The following ANK3 variants were observed in gnomAD, a reference collection of about 807,000 sequenced individuals.
ANK3 encodes the protein ankyrin-3.
Under a neutral mutation model 370.9 loss-of-function variants are expected in ANK3, and 57 were observed. The ratio of observed to expected loss-of-function variants is 0.15; its 90% confidence interval spans 0.12 to 0.19. The LOEUF is 0.19. Among genes scored for constraint, ANK3 ranks in the 10% least tolerant of loss-of-function variants. The pLI, the probability that ANK3 is intolerant of heterozygous loss-of-function variation, is 1.00. For synonymous variants in ANK3, 1,929 were observed against 1,946.3 expected (o/e 0.99, Z 0.23); for missense variants, 4,439 against 5,302.1 (o/e 0.84, Z 5.06).
At chr10:60,032,774 T>C (rs1319323966) in intron 43 of ANK3, among the ~76,000 whole-genome samples, 3 of 152,216 alleles carry the variant, frequency 2.0e-5, no homozygotes, top group East Asian at 3.9e-4. Context: ...GTTCCTCTTA[T>C]AACTTTTTCT....
chr10:60,326,697 T>A (rs766809221), intron 1 of ANK3, among the ~76,000 whole-genome samples: 3 of 152,006 alleles, frequency 2.0e-5, no homozygotes, highest in East Asian at 1.9e-4. Flanking sequence ...AATAGGTGGA[T>A]GTGGATTCCC....
chr10:60,532,612 G>T (rs1482013067), intron 2 of ANK3, among the ~76,000 whole-genome samples: 1 of 152,040 alleles, frequency 6.6e-6, no homozygotes, highest in Non-Finnish European at 1.5e-5. Flanking sequence ...TCTCCCAACT[G>T]CAGGGTTCTC....
At position 60,279,579 on chromosome 10, in the gene ANK3, C is replaced by T. The variant is rs376032920; in HGVS notation, c.175G>A (p.Asp59Asn). The part of the protein sequence containing the change: ...ARAGHLEKAL[D>N]YIKNGVDINI... ...ATGTCAACTCCATTTTTTATGTAGTCGAGGGCCTTTTCAAGGTGTCCAGCT... is the reference window on the plus strand; with the variant it reads ...ATGTCAACTCCATTTTTTATGTAGTTGAGGGCCTTTTCAAGGTGTCCAGCT... Residue 59 changes from aspartate (D) to asparagine (N), a missense_variant, in exon 2 of 44, where the codon GAC becomes AAC. Physicochemically the swap from Asp to Asn is conservative, Grantham distance 23. This residue lies in a region of ANK3 where 136 missense variants were observed against 230.5 expected (regional missense o/e 0.59). Transcript: ENST00000280772. 3.1e-6 allele frequency: 5 copies of T among 1,613,076 alleles called. No individual in the cohort carries two copies. The highest frequency in any genetic ancestry group is 2.7e-5 in the African/African-American group (2 of 74,952).
chr10:60,132,744 G>C (rs905385821), intron 25 of ANK3, among the ~76,000 whole-genome samples: 3 of 151,898 alleles, frequency 2.0e-5, no homozygotes, highest in Admixed American at 6.6e-5. Context: ...AGCCTCCCGA[G>C]TAGCTGAGAT....
At chr10:60,628,926 C>G (rs187773533) in intron 1 of ANK3, among the ~76,000 whole-genome samples, 337 of 152,234 alleles carry the variant, frequency 2.2e-3, no homozygotes, top group African/African-American at 4.4e-3. Context: ...TTGAATATAT[C>G]AAAATGTTTT....
In ANK3 at chr10:60,113,108, G is replaced by T. The variant is rs565600275; in HGVS notation, c.2948+1117C>A. Among the ~76,000 whole-genome samples the T allele has an allele frequency of 1.3e-4, 20 of 152,044 alleles. No homozygotes were observed. The East Asian group carries it at 2.5e-3, about 19-fold the overall frequency. ...AGGTCCCCTTTTAGCCTCCTGCCTC[G>T]AATTCCATTGACCAGGGAGGCAGGA... On this transcript the variant is annotated intron_variant, in intron 26 of 43. Coordinates refer to ENST00000280772, the MANE Select transcript of ANK3 (RefSeq NM_020987.5).
At chr10:60,275,191 A>C (rs2098070095) in intron 4 of ANK3, among the ~76,000 whole-genome samples, 1 of 152,230 alleles carries the variant, frequency 6.6e-6, no homozygotes, top group South Asian at 2.1e-4. Context: ...GCAACAACAG[A>C]TTAAATTCTC....
chr10:60,425,736 C>T (rs4948418), intron 2 of ANK3, among the ~76,000 whole-genome samples: 12,661 of 152,078 alleles, frequency 0.083, 965 homozygotes, highest in East Asian at 0.22. Context: ...TGACAGGGAA[C>T]GGCTGAGGTA....
rs185199448 is a variant in ANK3, at chr10:60,226,418, A to G, written c.897+8270T>C. Among the ~76,000 whole-genome samples the G allele has an allele frequency of 2.6e-3, 299 of 115,932 alleles. 6 individuals are homozygous for G. The highest frequency in any genetic ancestry group is 4.4e-3 in the Non-Finnish European group (263 of 59,602). The allele number at this position is 115,932 out of a possible 152,430, so 76.1% of individuals were successfully genotyped here. ...TAATATAGTATAACATATATAACAT[A>G]CTATACAACATATAATATATAACAT... On this transcript the variant is annotated intron_variant, in intron 8 of 43. Transcript: ENST00000280772.
rs191445471 is a variant in ANK3 at position 60,607,356 on chromosome 10, G to C, written c.96+7830C>G. Among the ~76,000 whole-genome samples the C allele has an allele frequency of 2.3e-3, 348 of 152,194 alleles. 1 individual carries two copies. Among genetic ancestry groups the C allele is most frequent in the Middle Eastern group, 0.01 (3 of 294 alleles). On this transcript the variant is annotated intron_variant, in intron 2 of 43. Coordinates refer to the ANK3 transcript ENST00000373827. Reference sequence around the variant, plus strand: ...GGGACTAAAATTTGAGTCTGAATCAGTCTGACTTTCAGGCTCACCCACTTT... The same window carrying C: ...GGGACTAAAATTTGAGTCTGAATCACTCTGACTTTCAGGCTCACCCACTTT...
intron 2 of ANK3, among the ~76,000 whole-genome samples, chr10:60,536,653 TA>T (rs2076731638): frequency 6.6e-6 from 1 of 151,888 alleles, no homozygotes; most frequent in South Asian, 2.1e-4. Context: ...GTGAATCACA[TA>T]AACAAAAAAA....
At chr10:60,193,770 G>C (rs955239789) in intron 16 of ANK3, among the ~76,000 whole-genome samples, 1 of 152,104 alleles carries the variant, frequency 6.6e-6, no homozygotes, top group Non-Finnish European at 1.5e-5. Context: ...GGAAAAAATA[G>C]TTCACTTACT....
chr10:60,585,564 A>G (rs1336316227), intron 2 of ANK3, among the ~76,000 whole-genome samples: 1 of 152,198 alleles, frequency 6.6e-6, no homozygotes, highest in Non-Finnish European at 1.5e-5. Flanking sequence ...CTATCACTTC[A>G]GGTGACATAT....
At chr10:60,329,364 G>A (rs1593871582) in intron 1 of ANK3, among the ~76,000 whole-genome samples, 1 of 152,164 alleles carries the variant, frequency 6.6e-6, no homozygotes. Context: ...CAGATGACAT[G>A]ATTATATATT....
chr10:60,298,186 G>GT (rs34471086), intron 1 of ANK3, among the ~76,000 whole-genome samples: 2 of 151,936 alleles, frequency 1.3e-5, no homozygotes, highest in African/African-American at 2.4e-5. Flanking sequence ...TAGAGTCTAG[G>GT]TTTTTTTCAT....
chr10:60,249,205 T>C (rs1430331408), intron 7 of ANK3, among the ~76,000 whole-genome samples: 1 of 152,198 alleles, frequency 6.6e-6, no homozygotes, highest in Non-Finnish European at 1.5e-5. Flanking sequence ...AACTCAATTG[T>C]GGAGGAATCA....
chr10:60,318,252 T>G (rs943764680), intron 1 of ANK3, among the ~76,000 whole-genome samples: 1 of 152,202 alleles, frequency 6.6e-6, no homozygotes, highest in Non-Finnish European at 1.5e-5. Flanking sequence ...TACTAGCTCA[T>G]ATGTTTAAAT....
intron 41 of ANK3, 126 bp downstream of exon 41, chr10:60,059,214 T>C: frequency 1.3e-6 from 1 of 769,416 alleles, no homozygotes; most frequent in Non-Finnish European, 2.2e-6. Flanking sequence ...AACTGGTCTT[T>C]AAAGCAGGTT....
intron 2 of ANK3, among the ~76,000 whole-genome samples, chr10:60,562,553 A>G (rs1315466982): frequency 1.3e-5 from 2 of 152,166 alleles, no homozygotes; most frequent in East Asian, 3.9e-4. Flanking sequence ...AGCTGGGACT[A>G]CAGGCTCACA....
Sources: allele counts gnomAD v4.1 joint callset (sites outside exome capture counted in the v4.1 genomes callset), GRCh38; gene constraint gnomAD v4.1.1; regional missense constraint gnomAD v4.1.1; transcripts MANE v1.5; gene names NCBI Gene and HGNC (gene_info 2026-07-23, HGNC 2026-07-21).